Variants in CLIC5 observed in about 807,000 individuals in gnomAD.
CLIC5 encodes the protein chloride intracellular channel protein 5.
CLIC5 carries 20 observed loss-of-function variants against 24.7 expected under a neutral mutation model. That is an observed-to-expected ratio of 0.81 (90% CI 0.57 to 1.18). The LOEUF (loss-of-function observed/expected upper bound fraction) is 1.18, where lower values mean the gene tolerates loss of function less well. Ranked by LOEUF, CLIC5 falls within the 50% of genes most tolerant of loss-of-function variation. The pLI is 0.00. For synonymous variants in CLIC5, 159 were observed against 135.6 expected (o/e 1.17, Z -1.20); for missense variants, 341 against 326.1 (o/e 1.05, Z -0.35).
chr6:46,101,015 A>C, the CLIC5 span, among the ~76,000 whole-genome samples: 24 of 152,236 alleles, frequency 1.6e-4, no homozygotes, highest in Admixed American at 1.5e-3. Context: ...CCACCATGAA[A>C]TAAAGAATTC....
At chr6:45,975,766 C>T (rs1765363980) in intron 1 of CLIC5, among the ~76,000 whole-genome samples, 1 of 152,188 alleles carries the variant, frequency 6.6e-6, no homozygotes, top group African/African-American at 2.4e-5. Context: ...CTGGAGCCTT[C>T]ATTTCTCTTA....
At chr6:45,919,906 G>T (rs3822876) in intron 4 of CLIC5, among the ~76,000 whole-genome samples, 41,197 of 152,002 alleles carry the variant, frequency 0.27, 5,924 homozygotes, top group East Asian at 0.48. Context: ...ATGTTCAATC[G>T]ATTAGCTCTA....
At chr6:46,042,535 C>T (rs928144568) in intron 1 of CLIC5, among the ~76,000 whole-genome samples, 4 of 152,116 alleles carry the variant, frequency 2.6e-5, no homozygotes, top group African/African-American at 9.7e-5. Flanking sequence ...CCTTCATACT[C>T]CAGCACGTCA....
At chr6:45,986,599 T>C (rs1250831712) in intron 1 of CLIC5, among the ~76,000 whole-genome samples, 1 of 152,176 alleles carries the variant, frequency 6.6e-6, no homozygotes, top group East Asian at 1.9e-4. Flanking sequence ...CTTTAAACTT[T>C]TTTTTCTATA....
chr6:45,976,022 A>T (rs1019209052), intron 1 of CLIC5, among the ~76,000 whole-genome samples: 1 of 152,136 alleles, frequency 6.6e-6, no homozygotes, highest in East Asian at 1.9e-4. Flanking sequence ...TGCTCCCCTA[A>T]GAAGTGGGGG....
At chr6:46,060,039 G>A (rs1368921975) in intron 1 of CLIC5, among the ~76,000 whole-genome samples, 4 of 152,168 alleles carry the variant, frequency 2.6e-5, no homozygotes, top group African/African-American at 7.2e-5. Flanking sequence ...ATATGAATAT[G>A]TAGTTTTCCC....
At position 45,898,673 on chromosome 6, in the gene CLIC5, T is replaced by A. The variant is rs1762435405; in HGVS notation, c.*4415A>T. On this transcript the variant is annotated 3_prime_UTR_variant, in exon 6 of 6. Coordinates refer to ENST00000339561, the MANE Select transcript of CLIC5 (RefSeq NM_016929.5). Reference sequence around the variant, plus strand: ...AAGTAACTATCATTTGGAGTGTCTTTGTAAAATGAAACACTTGTTCTTTTA... The same window carrying A: ...AAGTAACTATCATTTGGAGTGTCTTAGTAAAATGAAACACTTGTTCTTTTA... 2 of 152,686 alleles carry A rather than the reference T, an allele frequency of 1.3e-5. No homozygotes were observed. The highest frequency in any genetic ancestry group is 1.3e-4 in the Admixed American group (2 of 15,286). 9.5% of individuals were successfully genotyped at this position (152,686 alleles called of 1,614,324 possible). A position where few individuals can be genotyped will look rare whatever the true frequency, so the allele number is the denominator to read the frequency against.
intron 1 of CLIC5, among the ~76,000 whole-genome samples, chr6:45,991,727 A>T (rs899056786): frequency 6.6e-6 from 1 of 152,124 alleles, no homozygotes; most frequent in African/African-American, 2.4e-5. Context: ...GAGGGAAGGA[A>T]AAGAAAGCTT....
At chr6:45,893,470 C>T (rs146666514), downstream of CLIC5, among the ~76,000 whole-genome samples, 547 of 152,220 alleles carry the variant, frequency 3.6e-3, 6 homozygotes, top group African/African-American at 0.012. Context: ...ACTTTGCAGA[C>T]CATTTTTCTA....
At chr6:46,046,508 G>A (rs771418441) in intron 1 of CLIC5, among the ~76,000 whole-genome samples, 5 of 152,192 alleles carry the variant, frequency 3.3e-5, no homozygotes, top group Admixed American at 6.5e-5. Flanking sequence ...CCTTTTCTGA[G>A]ATTAGACATT....
upstream of CLIC5, among the ~76,000 whole-genome samples, chr6:46,017,919 A>C (rs1296345117): frequency 6.6e-6 from 1 of 152,224 alleles, no homozygotes; most frequent in Non-Finnish European, 1.5e-5. Flanking sequence ...GCAGTCACCA[A>C]GCCCAACGTG....
the CLIC5 span, chr6:46,102,710 G>T: frequency 6.6e-6 from 1 of 152,482 alleles, no homozygotes; most frequent in Non-Finnish European, 1.5e-5. Flanking sequence ...GCATCACAGA[G>T]CTCATAGGGT....
chr6:46,009,228 T>C (rs538499750), intron 1 of CLIC5, among the ~76,000 whole-genome samples: 1 of 152,048 alleles, frequency 6.6e-6, no homozygotes, highest in Non-Finnish European at 1.5e-5. Context: ...CTTCTAGAAG[T>C]TAACAACTCC....
chr6:45,993,598 C>T lies in CLIC5; in HGVS notation c.63+21882G>A, dbSNP rs185118946. On this transcript the variant is annotated intron_variant, in intron 1 of 5. Coordinates refer to ENST00000339561, the MANE Select transcript of CLIC5 (RefSeq NM_016929.5). The stretch of plus-strand genomic sequence containing the variant: ...GGGAGAGAAAACCCCTCTCTTGCTA[C>T]TCTGAGTAACTGTAGCACTACAAAA... Among the ~76,000 whole-genome samples, 9 of 151,874 alleles carry T rather than the reference C, an allele frequency of 5.9e-5. No individual in the cohort carries two copies. In the East Asian group the frequency reaches 1.7e-3, roughly 29 times the overall value.
Position 45,892,646 on chromosome 6 carries a change from C to A in CLIC5, c.624-11458G>T, listed in dbSNP as rs779982416. Among the ~76,000 whole-genome samples, 14 of 152,286 alleles carry A rather than the reference C, an allele frequency of 9.2e-5. No homozygotes were observed. In the South Asian group the frequency reaches 2.9e-3, roughly 32 times the overall value. On this transcript the variant is annotated intron_variant, in intron 6 of 6. Transcript: ENST00000644324. ...ATCTGGTGGCTTTACTCTCAGGATG[C>A]CTCCTGTTGTCAATTGTTGCCTTCA... is the stretch of plus-strand genomic sequence containing the variant.
the CLIC5 span, among the ~76,000 whole-genome samples, chr6:46,110,355 G>T: frequency 2.6e-5 from 4 of 151,990 alleles, no homozygotes; most frequent in African/African-American, 9.7e-5. Flanking sequence ...TTACTCCACC[G>T]GACTTTGTCA....
At chr6:45,886,434 C>T (rs1264048817) in intron 6 of CLIC5, among the ~76,000 whole-genome samples, 2 of 152,224 alleles carry the variant, frequency 1.3e-5, no homozygotes, top group Non-Finnish European at 2.9e-5. Context: ...TTTCATCAGC[C>T]CTCCTTCAAG....
chr6:45,960,173 T>C (rs1358308653), intron 1 of CLIC5, among the ~76,000 whole-genome samples: 1 of 152,176 alleles, frequency 6.6e-6, no homozygotes, highest in Non-Finnish European at 1.5e-5. Flanking sequence ...AGATATGTAA[T>C]ACTTGGTTTC....
chr6:46,097,136 T>G, the CLIC5 span: 2 of 152,222 alleles, frequency 1.3e-5, no homozygotes, highest in African/African-American at 2.4e-5. Context: ...GATATGTTGC[T>G]GAAATGTTTG....
Sources: allele counts gnomAD v4.1 joint callset (sites outside exome capture counted in the v4.1 genomes callset), GRCh38; gene constraint gnomAD v4.1.1; transcripts MANE v1.5; gene names NCBI Gene and HGNC (gene_info 2026-07-23, HGNC 2026-07-21).